Variants in GID8 observed in about 807,000 individuals in gnomAD.
The protein encoded by GID8 is glucose-induced degradation protein 8 homolog.
A neutral mutation model predicts 27.4 loss-of-function variants in GID8; 6 were observed. That is an observed-to-expected ratio of 0.22 (90% CI 0.12 to 0.43). The LOEUF (loss-of-function observed/expected upper bound fraction) is 0.43, where lower values mean the gene tolerates loss of function less well. GID8 is among the 20% of genes least tolerant of loss of function. The probability of loss-of-function intolerance (pLI) is 1.00; values close to 1 mark genes in which losing one functional copy is unlikely to be tolerated. For missense variants in GID8, 173 were observed against 287.6 expected (o/e 0.60, Z 2.88); for synonymous variants, 112 against 109.0 (o/e 1.03, Z -0.17).
rs1199202356 is a variant in GID8, at chr20:62,947,877, C to T, written c.*2965C>T. The stretch of plus-strand genomic sequence containing the variant: ...ATGTGATGTCTTTGCTTTCTTATTT[C>T]TCTTTCTCTGCGTTGTTAGTTTTGA... On this transcript the variant is annotated 3_prime_UTR_variant, in exon 5 of 5. Transcript: ENST00000266069. 2 of 152,274 alleles carry T rather than the reference C, an allele frequency of 1.3e-5. No individual in the cohort carries two copies. Among genetic ancestry groups the T allele is most frequent in the Non-Finnish European group, 2.9e-5 (2 of 68,058 alleles). 9.4% of individuals were successfully genotyped at this position (152,274 alleles called of 1,614,324 possible).
At chr20:62,942,851 T>C in intron 2 of GID8, 136 bp from the exon 3 acceptor site, 1 of 624,142 alleles carries the variant, frequency 1.6e-6, no homozygotes, top group South Asian at 2.1e-5. Context: ...ATAAAGATAT[T>C]AATACCGAGT....
intron 1 of GID8, among the ~76,000 whole-genome samples, 174 bp from the exon 2 acceptor site, chr20:62,941,317 A>G (rs1035869650): frequency 6.6e-6 from 1 of 152,242 alleles, no homozygotes; most frequent in Admixed American, 6.5e-5. Context: ...AGTTGAAGTG[A>G]ACTTATTCTT....
Position 62,945,024 on chromosome 20 carries a change from G to C in GID8, c.*112G>C, listed in dbSNP as rs1448412152. ...CAGTAGAGAACTCTTTTTCTCCCTT[G>C]TACTTTTTTTTGACCTGGCATCTTT... On this transcript the variant is annotated 3_prime_UTR_variant, in exon 5 of 5. Coordinates refer to ENST00000266069, the MANE Select transcript of GID8 (RefSeq NM_017896.3). 33 of 1,439,972 alleles carry C rather than the reference G, an allele frequency of 2.3e-5. No individual in the cohort carries two copies. The highest frequency in any genetic ancestry group is 5.5e-6 in the Non-Finnish European group (6 of 1,096,242). The allele number at this position is 1,439,972 out of a possible 1,614,324, so 89.2% of individuals were successfully genotyped here. A position where few individuals can be genotyped will look rare whatever the true frequency, so the allele number is the denominator to read the frequency against.
At chr20:62,940,592 G>A (rs979295404) in intron 1 of GID8, among the ~76,000 whole-genome samples, 1 of 151,866 alleles carries the variant, frequency 6.6e-6, no homozygotes, top group Non-Finnish European at 1.5e-5. Context: ...CTTGTGATCC[G>A]CCCGCCTCGG....
At chr20:62,941,953 T>C (rs1261638162) in intron 2 of GID8, among the ~76,000 whole-genome samples, 1 of 152,188 alleles carries the variant, frequency 6.6e-6, no homozygotes, top group Middle Eastern at 3.2e-3. Flanking sequence ...TATGCTGGCC[T>C]GTTTCTGGAA....
intron 1 of GID8, among the ~76,000 whole-genome samples, chr20:62,939,460 C>T (rs1448632182): frequency 2.7e-5 from 4 of 146,754 alleles, no homozygotes; most frequent in Non-Finnish European, 6.0e-5. Flanking sequence ...ATGTTTTCAG[C>T]TCTGAGCTCA....
chr20:62,940,139 C>G (rs537849839), intron 1 of GID8, among the ~76,000 whole-genome samples: 1 of 151,866 alleles, frequency 6.6e-6, no homozygotes, highest in Non-Finnish European at 1.5e-5. Flanking sequence ...ATAAAACTCA[C>G]GGCAGATTTG....
rs1004400506 is a variant in GID8 at position 62,943,129 on chromosome 20, C to T, written c.261C>T (p.Asn87=). The T allele has an allele frequency of 3.1e-6, 5 of 1,614,084 alleles. No individual in the cohort carries two copies. Among genetic ancestry groups the T allele is most frequent in the Non-Finnish European group, 4.2e-6 (5 of 1,179,908 alleles). ...GQIQEAIALI[N]SLHPELLDTN... is the part of the protein sequence containing the mutation. ...TTCAGGAGGCCATCGCCTTGATCAA[C>T]AGCCTCCACCCAGAGCTCTTGGACA... The change falls in exon 3 of 5, where the codon AAC becomes AAT. Residue 87 remains asparagine, a synonymous_variant. Transcript: ENST00000266069. This position sits in a 1 kb window ranked among gnomAD's most constrained non-coding sequence, Gnocchi z 4.7.
intron 1 of GID8, among the ~76,000 whole-genome samples, chr20:62,941,280 C>T (rs904954801): frequency 1.3e-5 from 2 of 152,218 alleles, no homozygotes; most frequent in Non-Finnish European, 2.9e-5. Context: ...GTAGCACAGT[C>T]CGTTCTCCTG....
In GID8 at chr20:62,946,068, A is replaced by G. The variant is rs191905916; in HGVS notation, c.*1156A>G. 154 of 1,252,550 alleles carry G rather than the reference A, an allele frequency of 1.2e-4. No homozygotes were observed. In the African/African-American group the frequency reaches 1.9e-3, roughly 15 times the overall value. The allele number at this position is 1,252,550 out of a possible 1,614,324, so 77.6% of individuals were successfully genotyped here. On this transcript the variant is annotated 3_prime_UTR_variant, in exon 5 of 5. Coordinates refer to ENST00000266069, the MANE Select transcript of GID8 (RefSeq NM_017896.3). ...CATGGCCTTGTAGCTCTGGGCACAG[A>G]TGTGTTTGGATTCATTGCAGCGGAC...
chr20:62,945,219 A>C lies in GID8; in HGVS notation c.*307A>C, dbSNP rs2065460996. On this transcript the variant is annotated 3_prime_UTR_variant, in exon 5 of 5. Transcript: ENST00000266069. ...CTCTGGCTGCTGAAGGATTCGGTCT[A>C]CCACGGAGGGCTGTGCTGTTAGGCT... The C allele has an allele frequency of 8.7e-7, 1 of 1,142,904 alleles. No individual in the cohort carries two copies. Among genetic ancestry groups the C allele is most frequent in the Non-Finnish European group, 1.1e-6 (1 of 925,774 alleles). 70.8% of individuals were successfully genotyped at this position (1,142,904 alleles called of 1,614,324 possible). A position where few individuals can be genotyped will look rare whatever the true frequency, so the allele number is the denominator to read the frequency against.
chr20:62,941,654 A>G, intron 2 of GID8, 34 bp downstream of exon 2: 4 of 1,148,964 alleles, frequency 3.5e-6, no homozygotes, highest in Non-Finnish European at 5.3e-6. Context: ...TGTTGCATGA[A>G]TGTGATTCTC....
rs73918873 is a variant in GID8 at position 62,944,961 on chromosome 20, T to C, written c.*49T>C. 808 of 1,562,996 alleles carry C rather than the reference T, an allele frequency of 5.2e-4. 4 individuals carry two copies. In the African/African-American group the frequency reaches 9.9e-3, roughly 19 times the overall value. ...CAACACCAGCCCTGCGTCGTGGGAC[T>C]TGCCTCAGATCAGCCTGCGACTGCA... On this transcript the variant is annotated 3_prime_UTR_variant, in exon 5 of 5. Transcript: ENST00000266069.
rs1281276357 is a variant in GID8, at chr20:62,947,917, A to G, written c.*3005A>G. 6.6e-6 allele frequency: 1 copy of G among 152,230 alleles called. No individual in the cohort carries two copies. The highest frequency in any genetic ancestry group is 1.5e-5 in the Non-Finnish European group (1 of 68,034). 9.4% of individuals were successfully genotyped at this position (152,230 alleles called of 1,614,324 possible). ...GTTAGTTTTGAAGAGTGGAGGAGCT[A>G]GGGGCTCCAGAAAGAATCTTACACA... On this transcript the variant is annotated 3_prime_UTR_variant, in exon 5 of 5. Coordinates refer to ENST00000266069, the MANE Select transcript of GID8 (RefSeq NM_017896.3).
chr20:62,945,664 A>G lies in GID8; in HGVS notation c.*752A>G, dbSNP rs1010997220. 2 of 1,179,316 alleles carry G rather than the reference A, an allele frequency of 1.7e-6. No individual in the cohort carries two copies. The highest frequency in any genetic ancestry group is 3.2e-5 in the African/African-American group (2 of 62,334). The allele number at this position is 1,179,316 out of a possible 1,614,324, so 73.1% of individuals were successfully genotyped here. ...CCAAAATGGCCTCTAAAAGATGTTA[A>G]TCATCTCAAATGACCTTTTGTCTTT... On this transcript the variant is annotated 3_prime_UTR_variant, in exon 5 of 5. Transcript: ENST00000266069.
At position 62,945,567 on chromosome 20, in the gene GID8, A is replaced by G. The variant is rs989852536; in HGVS notation, c.*655A>G. On this transcript the variant is annotated 3_prime_UTR_variant, in exon 5 of 5. Transcript: ENST00000266069. Reference sequence around the variant, plus strand: ...TGTGTGTGGTAAGAGACTTGTTCCTAGTGGATCAATGAACCATCTCTTCTG... The same window carrying G: ...TGTGTGTGGTAAGAGACTTGTTCCTGGTGGATCAATGAACCATCTCTTCTG... 13 of 1,134,934 alleles carry G rather than the reference A, an allele frequency of 1.1e-5. No individual in the cohort carries two copies. Among genetic ancestry groups the G allele is most frequent in the Non-Finnish European group, 1.4e-5 (13 of 914,246 alleles). The allele number at this position is 1,134,934 out of a possible 1,614,324, so 70.3% of individuals were successfully genotyped here. A position where few individuals can be genotyped will look rare whatever the true frequency, so the allele number is the denominator to read the frequency against.
rs1322653145 is a variant in GID8 at position 62,944,815 on chromosome 20, A to G, written c.590A>G (p.Lys197Arg). The G allele has an allele frequency of 6.2e-7, 1 of 1,614,092 alleles. No homozygotes were observed. Among genetic ancestry groups the G allele is most frequent in the Non-Finnish European group, 8.5e-7 (1 of 1,180,050 alleles). ...ACACCCAAACTGGCAAAATTACTGA[A>G]ACTACTACTTTGGGCTCAGAACGAG... is the stretch of plus-strand genomic sequence containing the variant. ...ESTPKLAKLLKLLLWAQNELD... is the reference protein window; with the variant it reads ...ESTPKLAKLLRLLLWAQNELD... The change falls in exon 5 of 5, where the codon AAA becomes AGA. Residue 197 changes from lysine (K) to arginine (R), a missense_variant. Physicochemically the swap from Lys to Arg is conservative, Grantham distance 26. Coordinates refer to ENST00000266069, the MANE Select transcript of GID8 (RefSeq NM_017896.3).
In GID8 at chr20:62,947,932, A is replaced by G. The variant is rs973308981; in HGVS notation, c.*3020A>G. ...TGGAGGAGCTAGGGGCTCCAGAAAGAATCTTACACATGTGTTGAAGACATT... is the reference window on the plus strand; with the variant it reads ...TGGAGGAGCTAGGGGCTCCAGAAAGGATCTTACACATGTGTTGAAGACATT... On this transcript the variant is annotated 3_prime_UTR_variant, in exon 5 of 5. Coordinates refer to ENST00000266069, the MANE Select transcript of GID8 (RefSeq NM_017896.3). 21 of 152,238 alleles carry G rather than the reference A, an allele frequency of 1.4e-4. No homozygotes were observed. Among genetic ancestry groups the G allele is most frequent in the African/African-American group, 4.6e-4 (19 of 41,460 alleles). 9.4% of individuals were successfully genotyped at this position (152,238 alleles called of 1,614,324 possible). A position where few individuals can be genotyped will look rare whatever the true frequency, so the allele number is the denominator to read the frequency against.
chr20:62,939,835 T>C (rs752037242), intron 1 of GID8, among the ~76,000 whole-genome samples: 1 of 152,208 alleles, frequency 6.6e-6, no homozygotes, highest in Non-Finnish European at 1.5e-5. Flanking sequence ...TTTAATTTAT[T>C]GAAACACTTT....
Sources: allele counts gnomAD v4.1 joint callset (sites outside exome capture counted in the v4.1 genomes callset), GRCh38; gene constraint gnomAD v4.1.1; non-coding constraint Gnocchi (gnomAD v3.1); transcripts MANE v1.5; gene names NCBI Gene and HGNC (gene_info 2026-07-23, HGNC 2026-07-21).